MTMR1: variants seen among roughly 807,000 people sequenced by gnomAD.
The protein encoded by MTMR1 is phosphatidylinositol-3-phosphate phosphatase MTMR1.
MTMR1 carries 17 observed loss-of-function variants against 51.6 expected under a neutral mutation model. The ratio of observed to expected loss-of-function variants is 0.33; its 90% confidence interval spans 0.23 to 0.49. MTMR1 has a LOEUF of 0.49. Among genes scored for constraint, MTMR1 ranks in the 20% least tolerant of loss-of-function variants. MTMR1 has a pLI of 0.99. For missense variants in MTMR1, 386 were observed against 526.9 expected (o/e 0.73, Z 2.62); for synonymous variants, 201 against 205.6 (o/e 0.98, Z 0.19).
At chrX:150,729,133 G>T (rs1444097399) in intron 6 of MTMR1, among the ~76,000 whole-genome samples, 4 of 110,763 alleles carry the variant, frequency 3.6e-5, no homozygotes, top group Non-Finnish European at 7.6e-5. Context: ...TTCCTCTGCA[G>T]CTTGGTCTCG....
chrX:150,760,425 GCATC>G (rs1442246076), intron 15 of MTMR1, among the ~76,000 whole-genome samples: 43 of 111,621 alleles, frequency 3.9e-4, no homozygotes, highest in Non-Finnish European at 7.9e-4. Flanking sequence ...GGTTCTTTGG[GCATC>G]CATCAGAGGA....
At chrX:150,756,093 G>T (rs1881437204) in intron 15 of MTMR1, among the ~76,000 whole-genome samples, 1 of 111,928 alleles carries the variant, frequency 8.9e-6, no homozygotes. Context: ...TAGCACTTCT[G>T]TCTCGTACTG....
chrX:150,760,140 A>G (rs1557417945), intron 15 of MTMR1, among the ~76,000 whole-genome samples: 1 of 109,116 alleles, frequency 9.2e-6, no homozygotes, highest in East Asian at 2.8e-4. Context: ...AAAAAAGAGT[A>G]CATGGGCCGC....
At chrX:150,699,521 T>A (rs1603229197) in intron 2 of MTMR1, among the ~76,000 whole-genome samples, 1 of 112,519 alleles carries the variant, frequency 8.9e-6, no homozygotes, top group African/African-American at 3.2e-5. Flanking sequence ...GGAGAAGCTG[T>A]CTTTAGATGA....
chrX:150,741,474 A>T (rs949939831), intron 12 of MTMR1, among the ~76,000 whole-genome samples: 5 of 111,553 alleles, frequency 4.5e-5, no homozygotes, highest in Admixed American at 3.8e-4. Context: ...TCCTTCCCCT[A>T]CCCCATCCTA....
chrX:150,760,365 G>A (rs1286796547), intron 15 of MTMR1, among the ~76,000 whole-genome samples: 1 of 99,013 alleles, frequency 1.0e-5, no homozygotes, highest in Non-Finnish European at 2.3e-5. Flanking sequence ...CAAGCCTGTT[G>A]GGCCTCTTTT....
chrX:150,756,326 G>A (rs1443023542), intron 15 of MTMR1, among the ~76,000 whole-genome samples: 1 of 111,786 alleles, frequency 8.9e-6, no homozygotes, highest in Non-Finnish European at 1.9e-5. Flanking sequence ...CCCCTTTGAA[G>A]AAGGGGGAGA....
rs182040730 is a variant in MTMR1, at chrX:150,742,120, G to A, written c.1474-2241G>A. The stretch of plus-strand genomic sequence containing the variant: ...TATATACAGTCATGTGGTGTGTGAT[G>A]ATGAGGATACATTCTGAGAAATGCA... On this transcript the variant is annotated intron_variant, in intron 12 of 15. Coordinates refer to ENST00000445323, the MANE Select transcript of MTMR1 (RefSeq NM_001306144.3). Among the ~76,000 whole-genome samples the A allele has an allele frequency of 4.2e-3, 469 of 112,257 alleles. 6 individuals are homozygous for A. Among genetic ancestry groups the A allele is most frequent in the African/African-American group, 0.014 (432 of 30,914 alleles).
At position 150,714,081 on chromosome X, in the gene MTMR1, G is replaced by T. The variant is rs182054450; in HGVS notation, c.276+1716G>T. On this transcript the variant is annotated intron_variant, in intron 3 of 15. Coordinates refer to ENST00000445323, the MANE Select transcript of MTMR1 (RefSeq NM_001306144.3). ...TGCCTTTGTATTTTGGCTTGACTTT[G>T]CCCTTTACCAGTTTTCTGTGGTATG... Among the ~76,000 whole-genome samples, 11 of 112,445 alleles carry T rather than the reference G, an allele frequency of 9.8e-5. No individual in the cohort carries two copies. In the East Asian group the frequency reaches 3.1e-3, roughly 31 times the overall value.
At chrX:150,693,749 C>T in intron 1 of MTMR1, 73 bp downstream of exon 1, 1 of 687,315 alleles carries the variant, frequency 1.5e-6, no homozygotes, top group Non-Finnish European at 1.7e-6. Context: ...CCAGCCCGCC[C>T]CCTCCCCGCG....
intron 4 of MTMR1, among the ~76,000 whole-genome samples, chrX:150,722,237 G>T (rs782484751): frequency 8.9e-6 from 1 of 111,949 alleles, no homozygotes; most frequent in Non-Finnish European, 1.9e-5. Flanking sequence ...TGAGTAGACT[G>T]TTCTATAAAT....
At chrX:150,723,914 C>G (rs2041839712) in intron 4 of MTMR1, among the ~76,000 whole-genome samples, 1 of 112,042 alleles carries the variant, frequency 8.9e-6, no homozygotes, top group Non-Finnish European at 1.9e-5. Context: ...GACATGATCT[C>G]GTCCTTTTTT....
chrX:150,735,734 G>A (rs1557417137), intron 10 of MTMR1: 1 of 311,754 alleles, frequency 3.2e-6, no homozygotes, highest in Non-Finnish European at 5.5e-6. Context: ...ACACATTGTG[G>A]AATGGCTAAA....
At chrX:150,702,727 A>G (rs1469267105) in intron 2 of MTMR1, among the ~76,000 whole-genome samples, 1 of 112,110 alleles carries the variant, frequency 8.9e-6, no homozygotes, top group Non-Finnish European at 1.9e-5. Context: ...TTAAAAAGGA[A>G]TGGATTTTAA....
intron 7 of MTMR1, 144 bp from the exon 8 acceptor site, chrX:150,730,381 G>A: frequency 3.2e-5 from 16 of 506,323 alleles, no homozygotes; most frequent in Non-Finnish European, 5.0e-5. Context: ...CTTAAGAAAA[G>A]CTGCTACTTT....
Position 150,722,555 on chromosome X carries a change from T to A in MTMR1, c.352+3855T>A, listed in dbSNP as rs781936890. Among the ~76,000 whole-genome samples, 10 of 111,794 alleles carry A rather than the reference T, an allele frequency of 8.9e-5. 1 individual carries two copies. The East Asian group carries it at 2.8e-3, about 31-fold the overall frequency. Reference sequence around the variant, plus strand: ...TATAGACATTATAGCTTTTAAAAAATTTTACTAACATGATATACCTATTTT... The same window carrying A: ...TATAGACATTATAGCTTTTAAAAAAATTTACTAACATGATATACCTATTTT... On this transcript the variant is annotated intron_variant, in intron 4 of 15. Transcript: ENST00000445323.
intron 12 of MTMR1, among the ~76,000 whole-genome samples, chrX:150,740,469 G>C (rs1481925918): frequency 9.0e-6 from 1 of 111,532 alleles, no homozygotes; most frequent in South Asian, 3.7e-4. Context: ...GTGTTCCAGG[G>C]ATGAGTCCTT....
chrX:150,701,598 G>GTCATCA (rs782035130), intron 2 of MTMR1, among the ~76,000 whole-genome samples: 2 of 111,698 alleles, frequency 1.8e-5, no homozygotes, highest in African/African-American at 3.3e-5. Flanking sequence ...ATGGTTCTAT[G>GTCATCA]TCATCATCAT....
chrX:150,736,004 T>G (rs2042258099), intron 10 of MTMR1: 1 of 115,333 alleles, frequency 8.7e-6, no homozygotes, highest in African/African-American at 3.2e-5. Context: ...GTCTCAGCTA[T>G]GTGAGGTTCT....
Sources: gnomAD v4.1 joint callset for allele counts (sites outside exome capture counted in the v4.1 genomes callset) on GRCh38, gnomAD v4.1.1 for gene constraint, MANE v1.5 for transcripts, NCBI Gene and HGNC (gene_info 2026-07-23, HGNC 2026-07-21) for gene names.